The following PRAMEF11 variants were observed in gnomAD, a reference collection of about 807,000 sequenced individuals.
PRAMEF11 encodes the protein PRAME family member 11.
Under a neutral mutation model 33.6 loss-of-function variants are expected in PRAMEF11, and 17 were observed. The observed-to-expected ratio is 0.51, with a 90% CI of 0.35 to 0.76. PRAMEF11 has a LOEUF of 0.76. PRAMEF11 is among the 30% of genes least tolerant of loss of function. PRAMEF11 has a pLI of 0.01. For synonymous variants in PRAMEF11, 205 were observed against 227.3 expected, an observed-to-expected ratio of 0.90 and a Z score of 0.88; for missense variants, 568 against 567.0, an observed-to-expected ratio of 1.00 and a Z score of -0.02.
At chr1:12,827,959 T>G in intron 2 of PRAMEF11, 129 bp from the exon 3 acceptor site, 1 of 1,502,488 alleles carries the variant, frequency 6.7e-7, no homozygotes, top group South Asian at 1.2e-5. Flanking sequence ...CACCCTGTTT[T>G]CCCCTTGGAT....
chr1:12,828,817 C>T lies in PRAMEF11; in HGVS notation c.-16-12G>A, dbSNP rs774923644. On this transcript the variant is annotated splice_polypyrimidine_tract_variant and intron_variant, in intron 1 of 3. Transcript: ENST00000619922. Reference sequence around the variant, plus strand: ...ATCTGCAGGGAAAACTTCCAGAGGACAAACCCAGAGAAAAGGCATCACTCT... The same window carrying T: ...ATCTGCAGGGAAAACTTCCAGAGGATAAACCCAGAGAAAAGGCATCACTCT... 1 of 1,608,304 alleles carries T rather than the reference C, an allele frequency of 6.2e-7. No individual in the cohort carries two copies. Among genetic ancestry groups the T allele is most frequent in the African/African-American group, 1.3e-5 (1 of 74,684 alleles).
rs1207616922 is a variant in PRAMEF11 at position 12,827,635 on chromosome 1, A to G, written c.489T>C (p.Asp163=). 2 of 1,609,506 alleles carry G rather than the reference A, an allele frequency of 1.2e-6. No homozygotes were observed. Among genetic ancestry groups the G allele is most frequent in the Non-Finnish European group, 1.7e-6 (2 of 1,177,706 alleles). The stretch of plus-strand genomic sequence containing the variant: ...ATAGAAGGAGGCAGGTGAGGTATTC[A>G]TCCAGAGTCCTGTTCTTGAGCCAAA... ...VELWLKNRTL[D]EYLTCLLLWV... is the part of the protein sequence containing the mutation. Residue 163 remains aspartate, a synonymous_variant, in exon 3 of 4, where the codon GAT becomes GAC. Coordinates refer to ENST00000619922, the MANE Select transcript of PRAMEF11 (RefSeq NM_001146344.3).
chr1:12,827,989 TTTTG>T (rs1258978125), intron 2 of PRAMEF11, among the ~76,000 whole-genome samples, 159 bp from the exon 3 acceptor site: 1 of 123,166 alleles, frequency 8.1e-6, no homozygotes, highest in Non-Finnish European at 1.7e-5. Context: ...TTCCACATTT[TTTTG>T]TTTTTTTTTT....
Position 12,828,742 on chromosome 1 carries a change from C to T in PRAMEF11, c.48G>A (p.Gly16=). ...AGGCTTGGTCCCTCAGCAGGCTCCG[C>T]CCCGCAAGCTCCAGGAGTCTGGGTG... ...RIPPRLLELA[G]RSLLRDQALA... is the part of the protein sequence containing the mutation. Residue 16 remains glycine, a synonymous_variant, in exon 2 of 4, where the codon GGG becomes GGA. Transcript: ENST00000619922. The T allele has an allele frequency of 4.3e-6, 7 of 1,610,044 alleles. No homozygotes were observed. The highest frequency in any genetic ancestry group is 1.7e-5 in the Admixed American group (1 of 59,754).
At chr1:12,829,358 T>C (rs569658814) in intron 1 of PRAMEF11, among the ~76,000 whole-genome samples, 2 of 150,032 alleles carry the variant, frequency 1.3e-5, no homozygotes, top group Admixed American at 1.3e-4. Context: ...TTTCTTGTCT[T>C]CTTTCCCTGC....
chr1:12,825,716 G>C (rs1228156193), intron 3 of PRAMEF11, among the ~76,000 whole-genome samples: 1 of 147,574 alleles, frequency 6.8e-6, no homozygotes, highest in African/African-American at 2.5e-5. Context: ...ACTCACACCT[G>C]TAATCCCAGC....
chr1:12,828,764 G>A lies in PRAMEF11; in HGVS notation c.26C>T (p.Pro9Leu), dbSNP rs556850681. MKMSIRIP[P>L]RLLELAGRSL... ...CCGCCCCGCAAGCTCCAGGAGTCTGGGTGGAATCCGGATGCTCATCTTCAT... is the reference window on the plus strand; with the variant it reads ...CCGCCCCGCAAGCTCCAGGAGTCTGAGTGGAATCCGGATGCTCATCTTCAT... The change falls in exon 2 of 4, where the codon CCC becomes CTC. Residue 9 changes from proline to leucine, a missense_variant. Physicochemically the swap from Pro to Leu is moderately conservative, Grantham distance 98. Transcript: ENST00000619922. 3 of 1,609,646 alleles carry A rather than the reference G, an allele frequency of 1.9e-6. No individual in the cohort carries two copies. The highest frequency in any genetic ancestry group is 2.5e-6 in the Non-Finnish European group (3 of 1,178,038).
Position 12,827,311 on chromosome 1 carries a change from G to A in PRAMEF11, c.813C>T (p.Cys271=), listed in dbSNP as rs1395442597. 1 of 1,598,312 alleles carries A rather than the reference G, an allele frequency of 6.3e-7. No individual in the cohort carries two copies. Among genetic ancestry groups the A allele is most frequent in the Non-Finnish European group, 8.5e-7 (1 of 1,178,650 alleles). The change falls in exon 3 of 4, where the codon TGC becomes TGT. Residue 271 remains cysteine (C), a synonymous_variant. Coordinates refer to ENST00000619922, the MANE Select transcript of PRAMEF11 (RefSeq NM_001146344.3). ...QFTTQFLKLR[C]LQKLYMNSVS... is the part of the protein sequence containing the mutation. ...CAGAGTTCATATAAAGCTTTTGGAG[G>A]CAGCGCAGCTTGAGGAACTGAGTGG...
chr1:12,827,609 C>A lies in PRAMEF11; in HGVS notation c.515G>T (p.Trp172Leu), dbSNP rs1355696420. The A allele has an allele frequency of 6.2e-7, 1 of 1,609,370 alleles. No homozygotes were observed. Among genetic ancestry groups the A allele is most frequent in the Non-Finnish European group, 8.5e-7 (1 of 1,177,662 alleles). Residue 172 changes from tryptophan (W) to leucine (L), a missense_variant, in exon 3 of 4, where the codon TGG (tryptophan) becomes TTG (leucine). By Grantham distance (61) the Trp-to-Leu change is moderately conservative (BLOSUM62 -2). This residue lies in a region of PRAMEF11 where 342 missense variants were observed against 312.0 expected (regional missense o/e 1.10). Transcript: ENST00000619922. The stretch of plus-strand genomic sequence containing the variant: ...TAGTAAATCTCTCCTCTGCTTGACC[C>A]ATAGAAGGAGGCAGGTGAGGTATTC... ...LDEYLTCLLL[W>L]VKQRRDLLHL...
At chr1:12,826,748 GT>G (rs1639877475) in intron 3 of PRAMEF11, among the ~76,000 whole-genome samples, 1 of 150,538 alleles carries the variant, frequency 6.6e-6, no homozygotes, top group Non-Finnish European at 1.5e-5. Flanking sequence ...GATGATCAAA[GT>G]GAAAATCCAT....
rs1557608356 is a variant in PRAMEF11 at position 12,825,001 on chromosome 1, A to G, written c.1378T>C (p.Cys460Arg). Residue 460 changes from cysteine to arginine, a missense_variant, in exon 4 of 4, where the codon TGC becomes CGC. This residue lies in a region of PRAMEF11 where 174 missense variants were observed against 127.2 expected (regional missense o/e 1.37). Coordinates refer to ENST00000619922, the MANE Select transcript of PRAMEF11 (RefSeq NM_001146344.3). The part of the protein sequence containing the change: ...PKRILFCTDN[C>R]PDHGDRSFYD... Reference sequence around the variant, plus strand: ...AATGACCTGTCGCCATGGTCAGGGCAGTTGTCAGTACAGAACAAGATCCTC... The same window carrying G: ...AATGACCTGTCGCCATGGTCAGGGCGGTTGTCAGTACAGAACAAGATCCTC... The G allele has an allele frequency of 5.0e-6, 8 of 1,609,764 alleles. No homozygotes were observed. In the South Asian group the frequency reaches 6.6e-5, roughly 13 times the overall value.
At position 12,827,914 on chromosome 1, in the gene PRAMEF11, C is replaced by T. The variant is rs1639910341; in HGVS notation, c.294-84G>A. The T allele has an allele frequency of 1.2e-5, 19 of 1,587,860 alleles. 2 individuals are homozygous for T. The East Asian group carries it at 4.1e-4, about 34-fold the overall frequency. ...CACATCCTGCATAGCAGCTCCTCCC[C>T]TCCCTGCTTGTTGTCCCTCTCTCTG... is the stretch of plus-strand genomic sequence containing the variant. On this transcript the variant is annotated intron_variant, in intron 2 of 3. Transcript: ENST00000619922.
At position 12,828,595 on chromosome 1, in the gene PRAMEF11, G is replaced by A. The variant is rs760709915; in HGVS notation, c.195C>T (p.Arg65=). ...TCTTTATCAGAGGCCTCAGAGGGAG[G>A]CGGCGGAAGGGCCAGGCCTGCACCA... ...KLMVQAWPFR[R]LPLRPLIKMP... Residue 65 remains arginine (R), a synonymous_variant, in exon 2 of 4, where the codon CGC becomes CGT. Transcript: ENST00000619922. 3 of 1,605,336 alleles carry A rather than the reference G, an allele frequency of 1.9e-6. No homozygotes were observed. The highest frequency in any genetic ancestry group is 1.3e-5 in the African/African-American group (1 of 74,240).
In PRAMEF11 at chr1:12,828,685, C is replaced by G. The variant is rs2982101; in HGVS notation, c.105G>C (p.Thr35=). 3.1e-6 allele frequency: 5 copies of G among 1,608,800 alleles called. No homozygotes were observed. In the East Asian group the frequency reaches 6.8e-5, roughly 22 times the overall value. ...CCATGAACAGTGGGGGGAAAAGTTC[C>G]GTGGGCAGCTCCTCCAGGGTGGAGA... is the stretch of plus-strand genomic sequence containing the variant. The part of the protein sequence containing the change: ...LAVSTLEELP[T]ELFPPLFMEA... Residue 35 remains threonine, a synonymous_variant, in exon 2 of 4, where the codon ACG becomes ACC. Coordinates refer to ENST00000619922, the MANE Select transcript of PRAMEF11 (RefSeq NM_001146344.3).
At position 12,824,791 on chromosome 1, in the gene PRAMEF11, C is replaced by G. The variant is rs1473484059; in HGVS notation, c.*151G>C. On this transcript the variant is annotated 3_prime_UTR_variant, in exon 4 of 4. Coordinates refer to ENST00000619922, the MANE Select transcript of PRAMEF11 (RefSeq NM_001146344.3). ...GGCAACATTTCCCCCAAGTCCTGCC[C>G]CTGCTTGATCAGCTTTCCTTTCCCA... 4.7e-6 allele frequency: 6 copies of G among 1,266,800 alleles called. No homozygotes were observed. The highest frequency in any genetic ancestry group is 2.4e-5 in the East Asian group (1 of 41,080). 78.5% of individuals were successfully genotyped at this position (1,266,800 alleles called of 1,614,324 possible). A position where few individuals can be genotyped will look rare whatever the true frequency, so the allele number is the denominator to read the frequency against.
chr1:12,826,754 A>C (rs1269379994), intron 3 of PRAMEF11, among the ~76,000 whole-genome samples: 7 of 150,706 alleles, frequency 4.6e-5, no homozygotes, highest in Admixed American at 3.3e-4. Flanking sequence ...CAAAGTGAAA[A>C]TCCATCTCAG....
intron 2 of PRAMEF11, among the ~76,000 whole-genome samples, chr1:12,828,210 C>G (rs1368735475): frequency 6.8e-6 from 1 of 146,522 alleles, no homozygotes; most frequent in Non-Finnish European, 1.5e-5. Context: ...GCCTCCAACT[C>G]TTGACCTCAG....
In PRAMEF11 at chr1:12,827,491, C is replaced by T. The variant is rs1331994658; in HGVS notation, c.633G>A (p.Glu211=). Reference sequence around the variant, plus strand: ...GTATCCACTTGCAATTCACTTCCACCTCCTGGATACAGTCTAGGTTCACCA... The same window carrying T: ...GTATCCACTTGCAATTCACTTCCACTTCCTGGATACAGTCTAGGTTCACCA... ...LKMVNLDCIQ[E]VEVNCKWILP... The change falls in exon 3 of 4, where the codon GAG becomes GAA. Residue 211 remains glutamate, a synonymous_variant. Coordinates refer to ENST00000619922, the MANE Select transcript of PRAMEF11 (RefSeq NM_001146344.3). 6.2e-7 allele frequency: 1 copy of T among 1,611,338 alleles called. No individual in the cohort carries two copies. The highest frequency in any genetic ancestry group is 1.7e-5 in the Admixed American group (1 of 59,736).
Position 12,825,306 on chromosome 1 carries a change from T to C in PRAMEF11, c.1073A>G (p.Asp358Gly), listed in dbSNP as rs1226691168. The C allele has an allele frequency of 2.5e-6, 4 of 1,595,904 alleles. No individual in the cohort carries two copies. The highest frequency in any genetic ancestry group is 3.4e-6 in the Non-Finnish European group (4 of 1,170,610). The change falls in exon 4 of 4, where the codon GAT becomes GGT. Residue 358 changes from aspartate (D) to glycine (G), a missense_variant. Around this residue, in one of 3 missense-constraint regions of PRAMEF11, gnomAD observed 52 missense variants for 127.8 expected, o/e 0.41. Transcript: ENST00000619922. ...EKVAATLEYL[D>G]LDDCGIIDSQ... The stretch of plus-strand genomic sequence containing the variant: ...GTCTATGATGCCACAGTCATCTAAA[T>C]CCAGGTACTCAAGGGTGGCTGCAAC...
Sources: allele counts gnomAD v4.1 joint callset (sites outside exome capture counted in the v4.1 genomes callset), GRCh38; gene constraint gnomAD v4.1.1; regional missense constraint gnomAD v4.1.1; transcripts MANE v1.5; gene names NCBI Gene and HGNC (gene_info 2026-07-23, HGNC 2026-07-21).